Variants in NXPE2 observed in about 807,000 individuals in gnomAD.
NXPE2 encodes neurexophilin and PC-esterase domain family member 2.
In NXPE2, 34 loss-of-function variants were observed where a neutral mutation model predicts 34.4. The ratio of observed to expected loss-of-function variants is 0.99; its 90% CI spans 0.75 to 1.31. NXPE2 has a LOEUF of 1.31. Among genes scored for constraint, NXPE2 ranks in the 40% most tolerant of loss-of-function variants. The pLI is 0.00. For missense variants in NXPE2, 649 were observed against 672.5 expected, an observed-to-expected ratio of 0.97 and a Z score of 0.39; for synonymous variants, 235 against 231.3, an observed-to-expected ratio of 1.02 and a Z score of -0.15.
chr11:114,555,889 A>G, the NXPE2 span, among the ~76,000 whole-genome samples: 4 of 152,362 alleles, frequency 2.6e-5, no homozygotes, highest in African/African-American at 9.6e-5. Context: ...GCAATATCTC[A>G]TAATATCTAT....
chr11:114,802,284 C>G, the NXPE2 span, among the ~76,000 whole-genome samples: 1 of 152,328 alleles, frequency 6.6e-6, no homozygotes, highest in East Asian at 1.9e-4. Context: ...CTCTCCCCGT[C>G]AATCTTTCAA....
the NXPE2 span, chr11:114,554,477 A>T: frequency 3.1e-6 from 2 of 652,166 alleles, no homozygotes; most frequent in Non-Finnish European, 3.8e-6. Flanking sequence ...TTTTCCAAAT[A>T]CATAAAATAA....
the NXPE2 span, chr11:114,582,556 C>T: frequency 1.2e-6 from 2 of 1,614,076 alleles, no homozygotes; most frequent in Non-Finnish European, 1.7e-6. Flanking sequence ...AGAGCTGACA[C>T]CCCTTCACTG....
At chr11:114,529,878 G>A in the NXPE2 span, 1 of 310,042 alleles carries the variant, frequency 3.2e-6, no homozygotes, top group Non-Finnish European at 5.9e-6. Flanking sequence ...AATATGATAT[G>A]GGAGGTGAAG....
chr11:114,633,191 A>T, the NXPE2 span, among the ~76,000 whole-genome samples: 1 of 127,718 alleles, frequency 7.8e-6, no homozygotes, highest in South Asian at 2.3e-4. Flanking sequence ...ATTATATTTT[A>T]TTATGTATAA....
chr11:114,511,240 A>C, the NXPE2 span, among the ~76,000 whole-genome samples: 120 of 152,314 alleles, frequency 7.9e-4, no homozygotes, highest in African/African-American at 2.8e-3. Context: ...GCATGATCAG[A>C]AGTCACTGGG....
At chr11:114,746,187 A>G in the NXPE2 span, among the ~76,000 whole-genome samples, 1 of 151,638 alleles carries the variant, frequency 6.6e-6, no homozygotes, top group African/African-American at 2.4e-5. Flanking sequence ...CTGTCTCATA[A>G]TTTTTCGCAG....
At chr11:114,639,251 G>T in the NXPE2 span, among the ~76,000 whole-genome samples, 4 of 151,868 alleles carry the variant, frequency 2.6e-5, no homozygotes, top group South Asian at 4.1e-4. Flanking sequence ...GAGACTCTGT[G>T]GGCATAGGAC....
At chr11:114,584,503 A>G in the NXPE2 span, 1 of 181,338 alleles carries the variant, frequency 5.5e-6, no homozygotes, top group Non-Finnish European at 1.2e-5. Context: ...ATTACCTGTG[A>G]GGAAGAGTTC....
the NXPE2 span, among the ~76,000 whole-genome samples, chr11:114,669,009 T>C: frequency 2.0e-5 from 3 of 152,186 alleles, no homozygotes; most frequent in Admixed American, 1.3e-4. Context: ...GTGGTAGCCA[T>C]GAGGAATGGT....
At chr11:114,758,206 C>T in the NXPE2 span, among the ~76,000 whole-genome samples, 1 of 152,150 alleles carries the variant, frequency 6.6e-6, no homozygotes, top group East Asian at 1.9e-4. Context: ...AGGTGAATTT[C>T]ACTGACCCAG....
the NXPE2 span, among the ~76,000 whole-genome samples, chr11:114,810,665 G>A: frequency 0.19 from 28,682 of 151,558 alleles, 3,049 homozygotes; most frequent in African/African-American, 0.3. Context: ...TTAGAATGGC[G>A]ATCATTAAAA....
the NXPE2 span, among the ~76,000 whole-genome samples, chr11:114,747,985 G>A: frequency 6.6e-6 from 1 of 152,042 alleles, no homozygotes; most frequent in Non-Finnish European, 1.5e-5. Context: ...CCCAGCCCTT[G>A]GTGGCCATCA....
chr11:114,613,794 G>A, the NXPE2 span, among the ~76,000 whole-genome samples: 6 of 151,710 alleles, frequency 4.0e-5, no homozygotes, highest in South Asian at 2.1e-4. Flanking sequence ...ACAGTTAGCC[G>A]GTGGATAATA....
the NXPE2 span, among the ~76,000 whole-genome samples, chr11:114,631,757 G>A: frequency 1.3e-5 from 2 of 151,840 alleles, no homozygotes; most frequent in South Asian, 4.1e-4. Flanking sequence ...CTGTCACCCG[G>A]TGGATAATAA....
the NXPE2 span, among the ~76,000 whole-genome samples, chr11:114,651,525 G>A: frequency 1.7e-4 from 26 of 152,348 alleles, no homozygotes; most frequent in East Asian, 2.5e-3. Flanking sequence ...CAGCATGGAA[G>A]AGAATCCGAA....
chr11:114,505,052 T>C, the NXPE2 span, among the ~76,000 whole-genome samples: 2 of 152,064 alleles, frequency 1.3e-5, no homozygotes, highest in African/African-American at 2.4e-5. Context: ...GCTGTCCTGA[T>C]AGAACTGAAA....
chr11:114,651,453 G>A, the NXPE2 span, among the ~76,000 whole-genome samples: 3 of 152,202 alleles, frequency 2.0e-5, no homozygotes, highest in African/African-American at 7.2e-5. Flanking sequence ...TAAAGGTAGT[G>A]TGGACCCAAA....
At chr11:114,812,101 T>A in the NXPE2 span, among the ~76,000 whole-genome samples, 1 of 152,204 alleles carries the variant, frequency 6.6e-6, no homozygotes, top group Non-Finnish European at 1.5e-5. Context: ...GCAAATTGAT[T>A]TTTAATCACA....
Sources: gnomAD v4.1 joint callset for allele counts (sites outside exome capture counted in the v4.1 genomes callset) on GRCh38, gnomAD v4.1.1 for gene constraint, MANE v1.5 for transcripts, NCBI Gene and HGNC (gene_info 2026-07-23, HGNC 2026-07-21) for gene names.